GPC6: variants seen among roughly 807,000 people sequenced by gnomAD.
The protein encoded by GPC6 is glypican 6.
A neutral mutation model predicts 55.2 loss-of-function variants in GPC6; 14 were observed. That is an observed-to-expected ratio of 0.25 (90% CI 0.17 to 0.40). The LOEUF is 0.40. Ranked by LOEUF, GPC6 falls within the 10% of genes least tolerant of loss-of-function variation. The pLI is 1.00. For missense variants in GPC6, 641 were observed against 708.5 expected (o/e 0.90, Z 1.08); for synonymous variants, 278 against 259.6 (o/e 1.07, Z -0.68).
At chr13:94,158,846 A>G (rs1175306308) in intron 4 of GPC6, among the ~76,000 whole-genome samples, 1 of 152,152 alleles carries the variant, frequency 6.6e-6, no homozygotes, top group African/African-American at 2.4e-5. Context: ...TGTGTAAAAC[A>G]AGGATAATTA....
intron 1 of GPC6, among the ~76,000 whole-genome samples, chr13:93,257,307 A>C (rs111901067): frequency 6.6e-6 from 1 of 152,144 alleles, no homozygotes; most frequent in African/African-American, 2.4e-5. Context: ...GTCTAAAAAA[A>C]AAATCATTGT....
At chr13:93,778,468 C>T (rs1885536029) in intron 2 of GPC6, among the ~76,000 whole-genome samples, 1 of 152,134 alleles carries the variant, frequency 6.6e-6, no homozygotes, top group African/African-American at 2.4e-5. Flanking sequence ...TAAGTCATAG[C>T]ATTGTGCTAA....
At chr13:93,596,811 AATAT>A (rs1877767709) in intron 2 of GPC6, among the ~76,000 whole-genome samples, 1 of 148,648 alleles carries the variant, frequency 6.7e-6, no homozygotes, top group African/African-American at 2.4e-5. Flanking sequence ...TGTGTGTATA[AATAT>A]ATATAATTAC....
rs1888771339 is a variant in GPC6 at position 94,176,410 on chromosome 13, A to G, written c.878-109939A>G. ...CAGTAACCTTCAGGGAGGAAGGTGA[A>G]AGGAACTCATAGACATAGCAGAACC... On this transcript the variant is annotated intron_variant, in intron 4 of 8. Coordinates refer to ENST00000377047, the MANE Select transcript of GPC6 (RefSeq NM_005708.5). Among the ~76,000 whole-genome samples the G allele has an allele frequency of 4.6e-5, 7 of 152,240 alleles. No individual in the cohort carries two copies. In the South Asian group the frequency reaches 1.5e-3, roughly 32 times the overall value.
chr13:94,089,247 TTG>T (rs1885395080), intron 4 of GPC6, among the ~76,000 whole-genome samples: 5 of 152,052 alleles, frequency 3.3e-5, no homozygotes, highest in Non-Finnish European at 7.4e-5. Flanking sequence ...TGCACTGTGA[TTG>T]GGCTGATAAG....
chr13:94,183,058 G>A (rs565289209), intron 4 of GPC6, among the ~76,000 whole-genome samples: 190 of 152,268 alleles, frequency 1.2e-3, no homozygotes, highest in Non-Finnish European at 1.9e-3. Flanking sequence ...GATTATAGGC[G>A]TGAGCCACTG....
rs1881332567 is a variant in GPC6 at position 93,519,623 on chromosome 13, G to A, written c.161-25640G>A. On this transcript the variant is annotated intron_variant, in intron 1 of 8. Transcript: ENST00000377047. Reference sequence around the variant, plus strand: ...AAAACACTCACCAAAGCACATCTTAGCATCACAGTCAATGTTTGAGTTTGA... The same window carrying A: ...AAAACACTCACCAAAGCACATCTTAACATCACAGTCAATGTTTGAGTTTGA... Among the ~76,000 whole-genome samples, 5 of 152,050 alleles carry A rather than the reference G, an allele frequency of 3.3e-5. No homozygotes were observed. The South Asian group carries it at 1.0e-3, about 32-fold the overall frequency.
intron 4 of GPC6, among the ~76,000 whole-genome samples, chr13:94,229,307 G>A (rs1433807148): frequency 1.3e-5 from 2 of 152,142 alleles, no homozygotes; most frequent in Non-Finnish European, 2.9e-5. Context: ...ATTTGATGAG[G>A]TGTAAGCTTA....
At chr13:93,717,562 TA>T (rs1883293110) in intron 2 of GPC6, among the ~76,000 whole-genome samples, 1 of 151,720 alleles carries the variant, frequency 6.6e-6, no homozygotes, top group Non-Finnish European at 1.5e-5. Flanking sequence ...ATCTCTTTTA[TA>T]ACATGATGCT....
At chr13:94,213,486 G>A (rs1318149406) in intron 4 of GPC6, among the ~76,000 whole-genome samples, 6 of 152,130 alleles carry the variant, frequency 3.9e-5, no homozygotes, top group Admixed American at 3.9e-4. Context: ...CATAATTTTT[G>A]GGATCAGCTT....
chr13:93,950,021 G>T (rs1347169153), intron 3 of GPC6, among the ~76,000 whole-genome samples: 3 of 152,164 alleles, frequency 2.0e-5, no homozygotes, highest in African/African-American at 4.8e-5. Context: ...GCTGCACCCA[G>T]CCTGCTTTTT....
At chr13:94,093,106 T>C (rs536743716) in intron 4 of GPC6, among the ~76,000 whole-genome samples, 1 of 152,076 alleles carries the variant, frequency 6.6e-6, no homozygotes, top group African/African-American at 2.4e-5. Context: ...CTGCAGAAAG[T>C]CTTTAGTGTG....
At position 93,352,934 on chromosome 13, in the gene GPC6, C is replaced by T. The variant is rs144385958; in HGVS notation, c.160+125318C>T. Among the ~76,000 whole-genome samples the T allele has an allele frequency of 7.2e-5, 11 of 152,188 alleles. No homozygotes were observed. In the East Asian group the frequency reaches 2.1e-3, roughly 29 times the overall value. ...AGGAGTCTCTAGCTCCTTGTGTGGT[C>T]ATGGAACAGACATTATCTCCAGGTG... On this transcript the variant is annotated intron_variant, in intron 1 of 8. Coordinates refer to ENST00000377047, the MANE Select transcript of GPC6 (RefSeq NM_005708.5).
chr13:93,473,440 A>G (rs1373149530), intron 1 of GPC6, among the ~76,000 whole-genome samples: 1 of 152,128 alleles, frequency 6.6e-6, no homozygotes, highest in African/African-American at 2.4e-5. Flanking sequence ...CGGAGCAGGC[A>G]CTGGGAATGG....
At chr13:94,112,723 G>T (rs1886294635) in intron 4 of GPC6, among the ~76,000 whole-genome samples, 1 of 152,130 alleles carries the variant, frequency 6.6e-6, no homozygotes, top group Admixed American at 6.6e-5. Flanking sequence ...TGGCTCTGTA[G>T]CATCACGGAT....
chr13:94,288,942 G>T (rs1263774592), intron 5 of GPC6, among the ~76,000 whole-genome samples: 2,239 of 12,808 alleles, frequency 0.17, 81 homozygotes, highest in African/African-American at 0.32. Flanking sequence ...TAGATAGATA[G>T]ATAGATAGAT....
intron 2 of GPC6, among the ~76,000 whole-genome samples, chr13:93,722,472 T>A (rs908511079): frequency 3.3e-5 from 5 of 151,850 alleles, no homozygotes; most frequent in Non-Finnish European, 7.4e-5. Flanking sequence ...TAGTAAGACC[T>A]AAGTCTTACT....
intron 4 of GPC6, among the ~76,000 whole-genome samples, chr13:94,046,118 G>C (rs1160810061): frequency 6.6e-6 from 1 of 151,922 alleles, no homozygotes; most frequent in Non-Finnish European, 1.5e-5. Flanking sequence ...CAAAAAAATA[G>C]GTTTACTGTG....
intron 2 of GPC6, among the ~76,000 whole-genome samples, chr13:93,772,816 C>CT (rs1296457100): frequency 6.6e-6 from 1 of 152,092 alleles, no homozygotes; most frequent in African/African-American, 2.4e-5. Context: ...GCCAAGTGCC[C>CT]AGATGCACTA....
Sources: gnomAD v4.1 joint callset for allele counts (sites outside exome capture counted in the v4.1 genomes callset) on GRCh38, gnomAD v4.1.1 for gene constraint, MANE v1.5 for transcripts, NCBI Gene and HGNC (gene_info 2026-07-23, HGNC 2026-07-21) for gene names.